Variants in PDE4D observed in about 807,000 individuals in gnomAD.
PDE4D encodes phosphodiesterase 4D.
In PDE4D, 24 loss-of-function variants were observed where a neutral mutation model predicts 87.4. The ratio of observed to expected loss-of-function variants is 0.27; its 90% confidence interval spans 0.20 to 0.39. The LOEUF (loss-of-function observed/expected upper bound fraction) is 0.39. PDE4D is among the 10% of genes least tolerant of loss of function. The pLI, the probability that PDE4D is intolerant of heterozygous loss-of-function variation, is 1.00. For missense variants in PDE4D, 714 were observed against 1,041.0 expected (o/e 0.69, Z 4.32); for synonymous variants, 384 against 383.2 (o/e 1.00, Z -0.02).
At chr5:60,098,142 C>G (rs1775863281) in intron 2 of PDE4D, among the ~76,000 whole-genome samples, 1 of 151,786 alleles carries the variant, frequency 6.6e-6, no homozygotes, top group South Asian at 2.1e-4. Flanking sequence ...TGGGAAAACT[C>G]TTAGAAAAAC....
intron 2 of PDE4D, among the ~76,000 whole-genome samples, chr5:60,182,037 C>A (rs1784416669): frequency 6.6e-6 from 1 of 152,048 alleles, no homozygotes; most frequent in African/African-American, 2.4e-5. Flanking sequence ...ATAGTCAGTT[C>A]TGAAATATAT....
intron 1 of PDE4D, among the ~76,000 whole-genome samples, chr5:59,608,039 C>T (rs184017562): frequency 2.8e-4 from 42 of 152,232 alleles, no homozygotes; most frequent in African/African-American, 7.0e-4. Context: ...CTCAATAGGA[C>T]GATGAGTGCA....
chr5:59,747,427 G>A (rs1032707478), intron 1 of PDE4D, among the ~76,000 whole-genome samples: 2 of 152,060 alleles, frequency 1.3e-5, no homozygotes, highest in African/African-American at 4.8e-5. Flanking sequence ...TGCTTGTTGT[G>A]GCCTAAGCAG....
chr5:59,712,393 CATATATATATATATATAT>C (rs5868190), intron 1 of PDE4D, among the ~76,000 whole-genome samples: 3,430 of 122,602 alleles, frequency 0.028, 127 homozygotes, highest in African/African-American at 0.088. Flanking sequence ...TAATATTATT[CATATATATATATATATAT>C]ATATATATAT....
At chr5:60,097,020 G>A (rs1017182872) in intron 2 of PDE4D, among the ~76,000 whole-genome samples, 6 of 151,918 alleles carry the variant, frequency 3.9e-5, no homozygotes, top group African/African-American at 1.4e-4. Flanking sequence ...TGGACATTGT[G>A]CTTTCAAGCA....
Position 59,440,240 on chromosome 5 carries a change from G to C in PDE4D, c.456-224272C>G, listed in dbSNP as rs142058554. Among the ~76,000 whole-genome samples the C allele has an allele frequency of 2.7e-3, 412 of 152,218 alleles. 1 individual carries two copies. Among genetic ancestry groups the C allele is most frequent in the South Asian group, 6.2e-3 (30 of 4,818 alleles). On this transcript the variant is annotated intron_variant, in intron 1 of 14. Coordinates refer to ENST00000340635, the MANE Select transcript of PDE4D (RefSeq NM_001104631.2). ...AAATCTAGGTAACATAGAATGTAAAGGCAATAATGGAAAACATAAAGTGGT... is the reference window on the plus strand; with the variant it reads ...AAATCTAGGTAACATAGAATGTAAACGCAATAATGGAAAACATAAAGTGGT...
At chr5:59,980,514 G>T (rs970355394) in intron 3 of PDE4D, among the ~76,000 whole-genome samples, 1 of 152,338 alleles carries the variant, frequency 6.6e-6, no homozygotes, top group African/African-American at 2.4e-5. Context: ...GAACGCAGAA[G>T]TTGTCACCCT....
intron 5 of PDE4D, among the ~76,000 whole-genome samples, chr5:59,164,629 C>T (rs1245073777): frequency 6.6e-6 from 1 of 152,090 alleles, no homozygotes; most frequent in African/African-American, 2.4e-5. Context: ...CCTCACTGCT[C>T]CCCTGGGAAA....
At chr5:59,028,232 T>C (rs1329657714) in intron 6 of PDE4D, among the ~76,000 whole-genome samples, 3 of 151,792 alleles carry the variant, frequency 2.0e-5, no homozygotes, top group African/African-American at 4.8e-5. Flanking sequence ...CCTTGAAGGA[T>C]GAAAATAAAG....
At chr5:59,264,554 C>T (rs1762542682) in intron 1 of PDE4D, among the ~76,000 whole-genome samples, 1 of 151,914 alleles carries the variant, frequency 6.6e-6, no homozygotes, top group South Asian at 2.1e-4. Flanking sequence ...CTAGTAGACT[C>T]TTAACGAAAC....
At chr5:60,396,650 C>A (rs561430660) in intron 1 of PDE4D, among the ~76,000 whole-genome samples, 1 of 152,212 alleles carries the variant, frequency 6.6e-6, no homozygotes, top group Admixed American at 6.5e-5. Flanking sequence ...GCCTCAGCCT[C>A]GTGAGTAGAT....
At chr5:59,700,840 A>C (rs1474581478) in intron 1 of PDE4D, among the ~76,000 whole-genome samples, 1 of 152,228 alleles carries the variant, frequency 6.6e-6, no homozygotes, top group Non-Finnish European at 1.5e-5. Flanking sequence ...AATCCCGTAG[A>C]ATCACAAAGC....
At chr5:59,817,028 C>T (rs10514880) in intron 1 of PDE4D, among the ~76,000 whole-genome samples, 18,190 of 152,178 alleles carry the variant, frequency 0.12, 1,189 homozygotes, top group Middle Eastern at 0.19. Context: ...GGTAAATCAT[C>T]GTTCCCATGA....
At chr5:59,384,599 GATAA>G (rs113847225) in intron 1 of PDE4D, among the ~76,000 whole-genome samples, 56,991 of 151,428 alleles carry the variant, frequency 0.38, 12,040 homozygotes, top group African/African-American at 0.58. Context: ...CACCCATCAG[GATAA>G]ATAGAGAAAT....
At chr5:59,608,264 C>G (rs1353417466) in intron 1 of PDE4D, among the ~76,000 whole-genome samples, 1 of 152,122 alleles carries the variant, frequency 6.6e-6, no homozygotes, top group Non-Finnish European at 1.5e-5. Flanking sequence ...CACTTTGCCT[C>G]TATTTCTAAT....
intron 1 of PDE4D, among the ~76,000 whole-genome samples, chr5:59,322,821 G>T (rs1774956100): frequency 6.6e-6 from 1 of 152,042 alleles, no homozygotes; most frequent in African/African-American, 2.4e-5. Flanking sequence ...GAGATCACTG[G>T]TCCAAGAAGG....
intron 1 of PDE4D, among the ~76,000 whole-genome samples, chr5:59,570,001 A>C (rs1821559726): frequency 6.6e-6 from 1 of 152,244 alleles, no homozygotes; most frequent in Admixed American, 6.5e-5. Context: ...ACTGTATGGC[A>C]GACACAAATA....
chr5:59,823,361 T>C (rs1264168837), intron 1 of PDE4D, among the ~76,000 whole-genome samples: 1 of 152,184 alleles, frequency 6.6e-6, no homozygotes, highest in Non-Finnish European at 1.5e-5. Flanking sequence ...TTCCATTCTT[T>C]GAAAAACAAC....
chr5:59,969,919 G>A (rs564069967), intron 3 of PDE4D, among the ~76,000 whole-genome samples: 2 of 152,104 alleles, frequency 1.3e-5, no homozygotes, highest in South Asian at 2.1e-4. Flanking sequence ...GTGTGAGAAC[G>A]GACAAATACA....
Sources: gnomAD v4.1 joint callset for allele counts (sites outside exome capture counted in the v4.1 genomes callset) on GRCh38, gnomAD v4.1.1 for gene constraint, MANE v1.5 for transcripts, NCBI Gene and HGNC (gene_info 2026-07-23, HGNC 2026-07-21) for gene names.